The following MRPL13 variants were observed in gnomAD, a reference collection of about 807,000 sequenced individuals.
The protein encoded by MRPL13 is large ribosomal subunit protein uL13m.
A neutral mutation model predicts 29.0 loss-of-function variants in MRPL13; 33 were observed. The observed-to-expected ratio is 1.14, with a 90% CI of 0.86 to 1.52. The LOEUF (loss-of-function observed/expected upper bound fraction) is 1.52. Among genes scored for constraint, MRPL13 ranks in the 40% most tolerant of loss-of-function variants. The probability of loss-of-function intolerance (pLI) is 0.00; values close to 1 mark genes in which losing one functional copy is unlikely to be tolerated. For synonymous variants in MRPL13, 77 were observed against 68.4 expected, an observed-to-expected ratio of 1.13 and a Z score of -0.62; for missense variants, 227 against 216.7, an observed-to-expected ratio of 1.05 and a Z score of -0.30.
chr8:120,431,614 G>T (rs1379308878), intron 3 of MRPL13, among the ~76,000 whole-genome samples: 1 of 152,128 alleles, frequency 6.6e-6, no homozygotes, highest in East Asian at 1.9e-4. Flanking sequence ...ACACACCCAG[G>T]TGAGTGTATT....
chr8:120,418,979 G>A (rs368052102), intron 5 of MRPL13, among the ~76,000 whole-genome samples: 4 of 151,988 alleles, frequency 2.6e-5, no homozygotes, highest in East Asian at 1.9e-4. Flanking sequence ...TTGAAAAATC[G>A]TTATAACTTG....
chr8:120,429,641 T>A (rs1812976378), intron 3 of MRPL13, among the ~76,000 whole-genome samples: 2 of 152,268 alleles, frequency 1.3e-5, no homozygotes, highest in East Asian at 3.9e-4. Flanking sequence ...AAAATAATAC[T>A]TACAAAAAGG....
At chr8:120,408,977 C>T (rs762020188) in intron 6 of MRPL13, among the ~76,000 whole-genome samples, 3 of 152,138 alleles carry the variant, frequency 2.0e-5, no homozygotes, top group Non-Finnish European at 4.4e-5. Context: ...ATTGAACTCC[C>T]TAATCCTCAT....
At position 120,398,549 on chromosome 8, in the gene MRPL13, A is replaced by G. The variant is rs146425289; in HGVS notation, c.516-2424T>C. ...GATAAGCCCACAAAGATGAGAAAGA[A>G]TCAATGCAAAAACCTGGAAAACTCT... On this transcript the variant is annotated intron_variant, in intron 6 of 6. Transcript: ENST00000306185. Among the ~76,000 whole-genome samples the G allele has an allele frequency of 1.2e-3, 180 of 152,324 alleles. 1 individual carries two copies. Among genetic ancestry groups the G allele is most frequent in the Middle Eastern group, 6.8e-3 (2 of 294 alleles).
chr8:120,396,265 G>A, intron 6 of MRPL13, 140 bp from the exon 7 acceptor site: 2 of 610,018 alleles, frequency 3.3e-6, no homozygotes, highest in South Asian at 4.5e-5. Flanking sequence ...AATTTTTGGT[G>A]AAAAAAAAAC....
chr8:120,417,143 G>C (rs1812813327), intron 5 of MRPL13, among the ~76,000 whole-genome samples: 1 of 152,080 alleles, frequency 6.6e-6, no homozygotes, highest in Non-Finnish European at 1.5e-5. Flanking sequence ...ATTACATTCA[G>C]GTTAAGCATT....
chr8:120,414,063 G>A lies in MRPL13; in HGVS notation c.443C>T (p.Pro148Leu). The change falls in exon 6 of 7, where the codon CCA (proline) becomes CTA (leucine). Residue 148 changes from proline (P) to leucine (L), a missense_variant. By Grantham distance (98) the Pro-to-Leu change is moderately conservative. Coordinates refer to ENST00000306185, the MANE Select transcript of MRPL13 (RefSeq NM_014078.6). ...LKNLVEELPQ[P>L]RKIPKRLDEY... ...ATCTAGACGTTTAGGTATTTTTCGTGGTTGAGGAAGCTCCTCTACTAAATT... is the reference window on the plus strand; with the variant it reads ...ATCTAGACGTTTAGGTATTTTTCGTAGTTGAGGAAGCTCCTCTACTAAATT... 1 of 1,599,184 alleles carries A rather than the reference G, an allele frequency of 6.3e-7. No homozygotes were observed. The highest frequency in any genetic ancestry group is 8.5e-7 in the Non-Finnish European group (1 of 1,174,252).
At chr8:120,415,670 C>T (rs543676639) in intron 5 of MRPL13, 2 of 152,254 alleles carry the variant, frequency 1.3e-5, no homozygotes, top group East Asian at 1.9e-4. Flanking sequence ...TGCTTCTTCA[C>T]TGAAAAGCAT....
intron 4 of MRPL13, among the ~76,000 whole-genome samples, chr8:120,420,176 A>T (rs1812853312): frequency 6.6e-6 from 1 of 151,884 alleles, no homozygotes; most frequent in Admixed American, 6.6e-5. Flanking sequence ...GATTAAAAGT[A>T]ACCCGTATAT....
At chr8:120,407,066 G>A (rs1586918595) in intron 6 of MRPL13, among the ~76,000 whole-genome samples, 2 of 152,000 alleles carry the variant, frequency 1.3e-5, no homozygotes, top group African/African-American at 4.8e-5. Flanking sequence ...TTTACCATAC[G>A]CATCCCTATG....
chr8:120,433,932 G>T (rs1363048689), intron 2 of MRPL13, among the ~76,000 whole-genome samples: 1 of 152,010 alleles, frequency 6.6e-6, no homozygotes, highest in Non-Finnish European at 1.5e-5. Context: ...TCTAGTGCTT[G>T]ATCAAGAGAT....
At chr8:120,434,785 C>T (rs1345268963) in intron 2 of MRPL13, among the ~76,000 whole-genome samples, 2 of 152,008 alleles carry the variant, frequency 1.3e-5, no homozygotes, top group African/African-American at 4.8e-5. Context: ...CCAGTTTTTC[C>T]AACACTACTG....
intron 6 of MRPL13, among the ~76,000 whole-genome samples, chr8:120,411,385 T>C (rs1165269791): frequency 6.6e-6 from 1 of 152,146 alleles, no homozygotes; most frequent in African/African-American, 2.4e-5. Context: ...GTTTTCATCA[T>C]TGTAGAAAGT....
At chr8:120,399,145 C>T (rs944150739) in intron 6 of MRPL13, among the ~76,000 whole-genome samples, 1 of 152,134 alleles carries the variant, frequency 6.6e-6, no homozygotes, top group African/African-American at 2.4e-5. Flanking sequence ...ATCCGGAGAA[C>T]CCCAGTAAGG....
chr8:120,440,983 T>C (rs1354991260), intron 2 of MRPL13, among the ~76,000 whole-genome samples: 2 of 151,920 alleles, frequency 1.3e-5, no homozygotes, highest in African/African-American at 4.8e-5. Context: ...GATATACTTT[T>C]TTCTAATATA....
At chr8:120,444,838 C>G (rs1308119803) in intron 1 of MRPL13, 3 of 471,554 alleles carry the variant, frequency 6.4e-6, no homozygotes, top group East Asian at 4.2e-5. Context: ...CCCCCGCCCC[C>G]CCAAGAAAGA....
chr8:120,406,562 T>TGC (rs1409776166), intron 6 of MRPL13, among the ~76,000 whole-genome samples: 2 of 34,280 alleles, frequency 5.8e-5, no homozygotes, highest in Non-Finnish European at 2.7e-4. Flanking sequence ...TGCATGTGTG[T>TGC]GTGTGTGTGT....
intron 3 of MRPL13, among the ~76,000 whole-genome samples, chr8:120,429,079 A>G (rs886292396): frequency 2.0e-5 from 3 of 152,228 alleles, no homozygotes; most frequent in African/African-American, 7.2e-5. Flanking sequence ...ATTATAGTAA[A>G]GACATGGAAT....
At chr8:120,415,403 A>G (rs1812791813) in intron 5 of MRPL13, 1 of 152,158 alleles carries the variant, frequency 6.6e-6, no homozygotes, top group Non-Finnish European at 1.5e-5. Context: ...CTGGCCAAGG[A>G]CATGGCATCA....
Sources: gnomAD v4.1 joint callset for allele counts (sites outside exome capture counted in the v4.1 genomes callset) on GRCh38, gnomAD v4.1.1 for gene constraint, MANE v1.5 for transcripts, NCBI Gene and HGNC (gene_info 2026-07-23, HGNC 2026-07-21) for gene names.